Variants in DCAF7 observed in about 807,000 individuals in gnomAD.
The protein encoded by DCAF7 is DDB1- and CUL4-associated factor 7.
DCAF7 carries 4 observed loss-of-function variants against 41.2 expected under a neutral mutation model. The observed-to-expected ratio is 0.10, with a 90% CI of 0.05 to 0.22. The LOEUF is 0.22. DCAF7 is among the 10% of genes least tolerant of loss of function. DCAF7 has a pLI of 1.00. For synonymous variants in DCAF7, 143 were observed against 164.2 expected (o/e 0.87, Z 0.99); for missense variants, 131 against 443.2 (o/e 0.30, Z 6.32).
At position 63,573,058 on chromosome 17, in the gene DCAF7, CA is replaced by C. The variant is rs1355795866; in HGVS notation, c.139-5411del. On this transcript the variant is annotated intron_variant, in intron 1 of 6. Transcript: ENST00000614556. The stretch of plus-strand genomic sequence containing the variant: ...GACTACAGGTGTGAGCCACCACACC[CA>C]GCCTCAGAGGTTTATTCTTTATTCT... Among the ~76,000 whole-genome samples, 9 of 152,314 alleles carry C rather than the reference CA, an allele frequency of 5.9e-5. No individual in the cohort carries two copies. In the South Asian group the frequency reaches 1.9e-3, roughly 32 times the overall value.
At chr17:63,566,805 AAGGATCGCCTGAGCAGG>A (rs902357584) in intron 1 of DCAF7, among the ~76,000 whole-genome samples, 5 of 152,128 alleles carry the variant, frequency 3.3e-5, no homozygotes, top group African/African-American at 1.2e-4. Flanking sequence ...TAAGAGGCTG[AAGGATCGCCTGAGCAGG>A]AGGATCGCCT....
chr17:63,588,520 A>G (rs1184569118), intron 6 of DCAF7, among the ~76,000 whole-genome samples: 1 of 149,206 alleles, frequency 6.7e-6, no homozygotes, highest in Non-Finnish European at 1.5e-5. Flanking sequence ...TTAACAGCAC[A>G]TATCAGCACT....
chr17:63,550,841 C>G lies in DCAF7; in HGVS notation c.138+26C>G, dbSNP rs914985673. Reference sequence around the variant, plus strand: ...GTGGGCCGGGCAGGGGCTCGGAACCCAGCTGGCGGGGAGCGGGCCCCGGGA... The same window carrying G: ...GTGGGCCGGGCAGGGGCTCGGAACCGAGCTGGCGGGGAGCGGGCCCCGGGA... On this transcript the variant is annotated intron_variant, in intron 1 of 6. Transcript: ENST00000614556. The surrounding 1 kb of genome is among the most constrained non-coding windows in gnomAD (Gnocchi z 4.8). 6.2e-7 allele frequency: 1 copy of G among 1,607,900 alleles called. No homozygotes were observed. The highest frequency in any genetic ancestry group is 1.7e-5 in the Admixed American group (1 of 59,294).
chr17:63,559,033 C>T (rs1017717570), intron 1 of DCAF7, among the ~76,000 whole-genome samples: 1 of 151,838 alleles, frequency 6.6e-6, no homozygotes, highest in Non-Finnish European at 1.5e-5. Context: ...TTTTTAAGGC[C>T]AGGCACAGTG....
At chr17:63,564,051 T>C (rs2033413766) in intron 1 of DCAF7, among the ~76,000 whole-genome samples, 6 of 152,226 alleles carry the variant, frequency 3.9e-5, no homozygotes, top group Admixed American at 3.3e-4. Context: ...AATGTATATA[T>C]GTTTGACCAT....
chr17:63,560,167 G>T (rs1326827643), intron 1 of DCAF7, among the ~76,000 whole-genome samples: 1 of 152,064 alleles, frequency 6.6e-6, no homozygotes, highest in African/African-American at 2.4e-5. Context: ...TGGAGTTTCA[G>T]CTAGATTAGG....
rs2033713357 is a variant in DCAF7 at position 63,589,540 on chromosome 17, G to A, written c.*368G>A. On this transcript the variant is annotated 3_prime_UTR_variant, in exon 7 of 7. Coordinates refer to ENST00000614556, the MANE Select transcript of DCAF7 (RefSeq NM_005828.5). ...CAGGTGTCTCTGTTTGCTGCCCAAG[G>A]CAGCAGTTCATGTCTCGTCCATGTC... The A allele has an allele frequency of 3.1e-6, 1 of 322,650 alleles. No homozygotes were observed. Among genetic ancestry groups the A allele is most frequent in the African/African-American group, 2.1e-5 (1 of 46,604 alleles). The allele number at this position is 322,650 out of a possible 1,614,324, so 20.0% of individuals were successfully genotyped here. A position where few individuals can be genotyped will look rare whatever the true frequency, so the allele number is the denominator to read the frequency against.
At chr17:63,588,807 G>A (rs1244636906) in intron 6 of DCAF7, among the ~76,000 whole-genome samples, 193 bp from the exon 7 acceptor site, 1 of 152,204 alleles carries the variant, frequency 6.6e-6, no homozygotes, top group African/African-American at 2.4e-5. Flanking sequence ...TCACTTGGCT[G>A]AATAGCTGTG....
At chr17:63,551,891 C>CAAAAAAAACA (rs2033259197) in intron 1 of DCAF7, among the ~76,000 whole-genome samples, 1 of 27,280 alleles carries the variant, frequency 3.7e-5, no homozygotes, top group Non-Finnish European at 8.0e-5. Flanking sequence ...TACTAAAATA[C>CAAAAAAAACA]AAAAAAAAAA....
chr17:63,574,235 G>C (rs1253177562), intron 1 of DCAF7, among the ~76,000 whole-genome samples: 1 of 152,100 alleles, frequency 6.6e-6, no homozygotes, highest in African/African-American at 2.4e-5. Flanking sequence ...ACTCTGCTCA[G>C]ATGCTTACTT....
intron 1 of DCAF7, among the ~76,000 whole-genome samples, chr17:63,567,361 G>C (rs574221782): frequency 6.6e-6 from 1 of 152,064 alleles, no homozygotes. Flanking sequence ...TCAATATTTG[G>C]TTGGCAACTT....
intron 6 of DCAF7, among the ~76,000 whole-genome samples, chr17:63,587,984 TAA>T (rs750564406): frequency 0.056 from 6,588 of 116,990 alleles, 507 homozygotes; most frequent in African/African-American, 0.19. Context: ...AGACTCCATT[TAA>T]AAAAAAAAAA....
chr17:63,561,273 A>G (rs1309941537), intron 1 of DCAF7, among the ~76,000 whole-genome samples: 1 of 152,206 alleles, frequency 6.6e-6, no homozygotes, highest in Non-Finnish European at 1.5e-5. Flanking sequence ...TCAAAAAATA[A>G]AAAAGAAAAG....
intron 1 of DCAF7, among the ~76,000 whole-genome samples, chr17:63,565,707 T>C (rs1390573095): frequency 6.6e-6 from 1 of 152,212 alleles, no homozygotes; most frequent in Non-Finnish European, 1.5e-5. Flanking sequence ...AATGAGATGA[T>C]GTGTGTAAAG....
At chr17:63,575,082 T>C (rs1335770715) in intron 1 of DCAF7, among the ~76,000 whole-genome samples, 1 of 152,058 alleles carries the variant, frequency 6.6e-6, no homozygotes, top group Non-Finnish European at 1.5e-5. Context: ...TCTGTCAGGC[T>C]GAGATGGGCA....
intron 1 of DCAF7, among the ~76,000 whole-genome samples, chr17:63,563,356 A>G (rs1179263453): frequency 6.6e-6 from 1 of 152,218 alleles, no homozygotes; most frequent in African/African-American, 2.4e-5. Flanking sequence ...TGTTGACAGT[A>G]TGGAGAAATG....
chr17:63,554,117 A>G (rs1025682021), intron 1 of DCAF7, among the ~76,000 whole-genome samples: 1 of 152,184 alleles, frequency 6.6e-6, no homozygotes, highest in Non-Finnish European at 1.5e-5. Flanking sequence ...AGGTAGGAGG[A>G]TGCTTTAAGC....
chr17:63,578,394 G>A (rs1265829898), intron 1 of DCAF7, 76 bp from the exon 2 acceptor site: 5 of 1,586,480 alleles, frequency 3.2e-6, no homozygotes, highest in Non-Finnish European at 3.4e-6. Context: ...AAAAACCTCT[G>A]TCACTGACCA....
At chr17:63,587,269 G>A (rs1362314537) in intron 6 of DCAF7, among the ~76,000 whole-genome samples, 1 of 151,798 alleles carries the variant, frequency 6.6e-6, no homozygotes. Context: ...AGCAGCTGGG[G>A]GCCTGCTGCT....
Sources: allele counts gnomAD v4.1 joint callset (sites outside exome capture counted in the v4.1 genomes callset), GRCh38; gene constraint gnomAD v4.1.1; non-coding constraint Gnocchi (gnomAD v3.1); transcripts MANE v1.5; gene names NCBI Gene and HGNC (gene_info 2026-07-23, HGNC 2026-07-21).